Variants in THEM4 observed in about 807,000 individuals in gnomAD.
THEM4 encodes the protein thioesterase superfamily member 4, also known as acyl-coenzyme A thioesterase THEM4.
THEM4 carries 22 observed loss-of-function variants against 25.0 expected under a neutral mutation model. The observed-to-expected ratio is 0.88, with a 90% CI of 0.63 to 1.26. THEM4 has a LOEUF of 1.26. Among genes scored for constraint, THEM4 ranks in the 50% most tolerant of loss-of-function variants. THEM4 has a pLI of 0.00. For synonymous variants in THEM4, 113 were observed against 105.6 expected, an observed-to-expected ratio of 1.07 and a Z score of -0.43; for missense variants, 286 against 300.3, an observed-to-expected ratio of 0.95 and a Z score of 0.35.
rs574653806 is a variant in THEM4 at position 151,872,482 on chromosome 1, G to T, written c.*2406C>A. The stretch of plus-strand genomic sequence containing the variant: ...AATCTATTGCCTGCACTAGGAAGCA[G>T]AATATATTTTCCAGAACATTAGTCT... On this transcript the variant is annotated 3_prime_UTR_variant, in exon 6 of 6. Coordinates refer to ENST00000368814, the MANE Select transcript of THEM4 (RefSeq NM_053055.5). Among the ~76,000 whole-genome samples the T allele has an allele frequency of 3.3e-5, 5 of 152,318 alleles. No homozygotes were observed. Among genetic ancestry groups the T allele is most frequent in the Admixed American group, 1.3e-4 (2 of 15,306 alleles).
At chr1:151,884,286 C>G (rs988688672) in intron 4 of THEM4, among the ~76,000 whole-genome samples, 1 of 152,064 alleles carries the variant, frequency 6.6e-6, no homozygotes, top group Non-Finnish European at 1.5e-5. Flanking sequence ...TTTCCCTTTT[C>G]AAGAAAACTA....
intron 1 of THEM4, among the ~76,000 whole-genome samples, chr1:151,907,041 G>T (rs1313660816): frequency 6.6e-6 from 1 of 152,130 alleles, no homozygotes; most frequent in Non-Finnish European, 1.5e-5. Flanking sequence ...TCTTGCTGCT[G>T]CTCACTCTTT....
rs16833633 is a variant in THEM4, at chr1:151,895,675, A to G, written c.100-481T>C. 2.7e-3 allele frequency among the ~76,000 whole-genome samples: 160 copies of G among 59,878 alleles called. 1 individual carries two copies. The East Asian group carries it at 0.056, about 21-fold the overall frequency. The allele number at this position is 59,878 out of a possible 152,430, so 39.3% of individuals were successfully genotyped here. ...CAGAAATTAGCCAGCTGGAAAAAGT[A>G]TTACAGGAAAAAAAAAAAAAACACT... On this transcript the variant is annotated intron_variant, in intron 1 of 5. Transcript: ENST00000368814.
intron 2 of THEM4, chr1:151,890,579 T>A (rs181769253): frequency 5.9e-6 from 1 of 168,936 alleles, no homozygotes; most frequent in East Asian, 1.7e-4. Flanking sequence ...AAGGATGCAT[T>A]TGAATTAGGT....
intron 4 of THEM4, among the ~76,000 whole-genome samples, chr1:151,885,664 G>A (rs1010044258): frequency 6.6e-5 from 10 of 152,214 alleles, no homozygotes; most frequent in African/African-American, 9.6e-5. Context: ...CAACTCATGT[G>A]TCATGAATGG....
Position 151,872,339 on chromosome 1 carries a change from G to A in THEM4, c.*2549C>T, listed in dbSNP as rs965557991. On this transcript the variant is annotated 3_prime_UTR_variant, in exon 6 of 6. Transcript: ENST00000368814. ...CACAAGGCTGTCCCTAAGTTATTAG[G>A]TTGAACCATAGGAAATTGTCAATAT... is the stretch of plus-strand genomic sequence containing the variant. Among the ~76,000 whole-genome samples, 2 of 152,194 alleles carry A rather than the reference G, an allele frequency of 1.3e-5. No individual in the cohort carries two copies. The highest frequency in any genetic ancestry group is 4.1e-4 in the South Asian group (2 of 4,828).
chr1:151,906,857 G>A (rs57923558), intron 1 of THEM4, among the ~76,000 whole-genome samples: 4,210 of 152,198 alleles, frequency 0.028, 205 homozygotes, highest in African/African-American at 0.096. Context: ...CTCAGGGATT[G>A]TAAATGCACC....
chr1:151,888,820 C>T (rs1389656570), intron 3 of THEM4, among the ~76,000 whole-genome samples: 1 of 151,722 alleles, frequency 6.6e-6, no homozygotes, highest in Non-Finnish European at 1.5e-5. Context: ...GGAGCAAGGC[C>T]TTGTCTCACA....
At position 151,892,115 on chromosome 1, in the gene THEM4, A is replaced by G. The variant is rs115525704; in HGVS notation, c.287-2742T>C. Reference sequence around the variant, plus strand: ...GATGAGGGGAAGTAATGGTTTGAAAACAAGTGTGGGTAGCAAAGAGGATCT... The same window carrying G: ...GATGAGGGGAAGTAATGGTTTGAAAGCAAGTGTGGGTAGCAAAGAGGATCT... On this transcript the variant is annotated intron_variant, in intron 2 of 5. Transcript: ENST00000368814. Among the ~76,000 whole-genome samples, 361 of 152,216 alleles carry G rather than the reference A, an allele frequency of 2.4e-3. 1 individual carries two copies. The highest frequency in any genetic ancestry group is 8.2e-3 in the African/African-American group (342 of 41,522).
chr1:151,885,790 T>C (rs1653955106), intron 4 of THEM4, among the ~76,000 whole-genome samples: 1 of 152,222 alleles, frequency 6.6e-6, no homozygotes, highest in African/African-American at 2.4e-5. Context: ...AGTGGGATAT[T>C]TGGATCAGAG....
chr1:151,877,586 C>A (rs1162084824), intron 4 of THEM4, among the ~76,000 whole-genome samples: 1 of 152,196 alleles, frequency 6.6e-6, no homozygotes, highest in Non-Finnish European at 1.5e-5. Context: ...CTAATAACAA[C>A]AAATTGCTGA....
chr1:151,908,358 G>A lies in THEM4; in HGVS notation c.99+1002C>T, dbSNP rs192724597. On this transcript the variant is annotated intron_variant, in intron 1 of 5. Transcript: ENST00000368814. ...CATCTTGTTTTACGTCCTTGGGGGC[G>A]TGGCCTGTAACCCCATTGCATAGCT... 1.1e-3 allele frequency among the ~76,000 whole-genome samples: 169 copies of A among 152,304 alleles called. 2 individuals are homozygous for A. The East Asian group carries it at 0.023, about 21-fold the overall frequency.
rs1237413313 is a variant in THEM4 at position 151,873,649 on chromosome 1, G to C, written c.*1239C>G. 4 of 152,188 alleles carry C rather than the reference G, an allele frequency of 2.6e-5. No individual in the cohort carries two copies. The highest frequency in any genetic ancestry group is 5.9e-5 in the Non-Finnish European group (4 of 68,042). The allele number at this position is 152,188 out of a possible 1,614,324, so 9.4% of individuals were successfully genotyped here. ...TACAGAGGTAATCAAGTTAAAATGA[G>C]GTCATTCAGGTGGGTCCATTATGAC... is the stretch of plus-strand genomic sequence containing the variant. On this transcript the variant is annotated 3_prime_UTR_variant, in exon 6 of 6. Transcript: ENST00000368814.
chr1:151,889,653 A>T (rs1441788793), intron 2 of THEM4: 1 of 294,326 alleles, frequency 3.4e-6, no homozygotes, highest in African/African-American at 2.2e-5. Flanking sequence ...TATAAACGCT[A>T]ACAATATACT....
At chr1:151,882,668 G>A (rs1438727441) in intron 4 of THEM4, among the ~76,000 whole-genome samples, 1 of 152,134 alleles carries the variant, frequency 6.6e-6, no homozygotes, top group Non-Finnish European at 1.5e-5. Context: ...GTATTTATGG[G>A]ATATATCTCA....
intron 3 of THEM4, among the ~76,000 whole-genome samples, chr1:151,888,772 G>A (rs1272443023): frequency 6.6e-6 from 1 of 152,124 alleles, no homozygotes; most frequent in East Asian, 1.9e-4. Flanking sequence ...AGGCTGCAGT[G>A]AGCTATGATT....
Position 151,889,379 on chromosome 1 carries a change from GA to G in THEM4, c.287-7del. ...TTCTTTCATAAGCTTTGGGTCTATA[GA>G]AAATGAGGTGGATGGCAAATGAGAA... On this transcript the variant is annotated splice_polypyrimidine_tract_variant and splice_region_variant and intron_variant, in intron 2 of 5. Coordinates refer to ENST00000368814, the MANE Select transcript of THEM4 (RefSeq NM_053055.5). 1 of 1,611,494 alleles carries G rather than the reference GA, an allele frequency of 6.2e-7. No homozygotes were observed. Among genetic ancestry groups the G allele is most frequent in the East Asian group, 2.2e-5 (1 of 44,840 alleles).
intron 1 of THEM4, among the ~76,000 whole-genome samples, chr1:151,898,184 C>T (rs1654267393): frequency 6.6e-6 from 1 of 152,094 alleles, no homozygotes. Context: ...AGGTGGAAAG[C>T]CTCAGACAAG....
intron 4 of THEM4, among the ~76,000 whole-genome samples, chr1:151,885,572 G>A (rs1653950140): frequency 6.6e-6 from 1 of 152,190 alleles, no homozygotes; most frequent in Non-Finnish European, 1.5e-5. Flanking sequence ...TTTGGTACAG[G>A]ATCTACTTGT....
Sources: allele counts gnomAD v4.1 joint callset (sites outside exome capture counted in the v4.1 genomes callset), GRCh38; gene constraint gnomAD v4.1.1; transcripts MANE v1.5; gene names NCBI Gene and HGNC (gene_info 2026-07-23, HGNC 2026-07-21).